RNF182: variants seen among roughly 807,000 people sequenced by gnomAD.
The protein encoded by RNF182 is ring finger protein 182, also known as E3 ubiquitin-protein ligase RNF182.
Under a neutral mutation model 14.4 loss-of-function variants are expected in RNF182, and 15 were observed. The observed-to-expected ratio is 1.04, with a 90% CI of 0.70 to 1.60. RNF182 has a LOEUF of 1.60. Ranked by LOEUF, RNF182 falls within the 40% of genes most tolerant of loss-of-function variation. The pLI, the probability that RNF182 is intolerant of heterozygous loss-of-function variation, is 0.00. For synonymous variants in RNF182, 128 were observed against 122.9 expected (o/e 1.04, Z -0.27); for missense variants, 268 against 294.8 (o/e 0.91, Z 0.67).
At chr6:13,939,762 C>A (rs929469756) in intron 1 of RNF182, among the ~76,000 whole-genome samples, 6 of 152,174 alleles carry the variant, frequency 3.9e-5, no homozygotes, top group African/African-American at 1.4e-4. Flanking sequence ...CCAGGATGAT[C>A]TTGATCTCCT....
intron 1 of RNF182, among the ~76,000 whole-genome samples, chr6:13,965,673 A>G (rs1346700675): frequency 4.6e-5 from 7 of 152,198 alleles, no homozygotes; most frequent in African/African-American, 1.7e-4. Flanking sequence ...TCTGCAGGCC[A>G]TGGAGATGTT....
At chr6:13,949,099 C>G in intron 1 of RNF182, 1 of 739,530 alleles carries the variant, frequency 1.4e-6, no homozygotes, top group Admixed American at 1.9e-5. Context: ...GGCAAGATGG[C>G]TGCCACTGCC....
At chr6:13,939,606 C>T (rs1052020823) in intron 1 of RNF182, among the ~76,000 whole-genome samples, 30 of 151,944 alleles carry the variant, frequency 2.0e-4, no homozygotes, top group African/African-American at 5.3e-4. Flanking sequence ...TGCAGTGGCG[C>T]GATCTGGGCT....
chr6:13,942,256 A>T (rs1405288779), intron 1 of RNF182, among the ~76,000 whole-genome samples: 1 of 152,156 alleles, frequency 6.6e-6, no homozygotes, highest in Non-Finnish European at 1.5e-5. Flanking sequence ...GGGTTCTGTT[A>T]AGATATGCTG....
rs1157656989 is a variant in RNF182 at position 13,978,772 on chromosome 6, TC to T, written c.*912del. 6.0e-6 allele frequency: 1 copy of T among 167,110 alleles called. No individual in the cohort carries two copies. Among genetic ancestry groups the T allele is most frequent in the African/African-American group, 2.4e-5 (1 of 41,458 alleles). 10.4% of individuals were successfully genotyped at this position (167,110 alleles called of 1,614,324 possible). On this transcript the variant is annotated 3_prime_UTR_variant, in exon 3 of 3. Transcript: ENST00000488300. The stretch of plus-strand genomic sequence containing the variant: ...GCTATAAATTCATCAATACTTTTTT[TC>T]CCTATTATATTTTTGGTTCTATTAG...
At chr6:13,957,183 G>C (rs1269136960) in intron 1 of RNF182, among the ~76,000 whole-genome samples, 1 of 152,096 alleles carries the variant, frequency 6.6e-6, no homozygotes, top group Non-Finnish European at 1.5e-5. Flanking sequence ...TTCTTTTTAT[G>C]TAAGTATCAT....
At chr6:13,934,339 A>C (rs1233108870) in intron 1 of RNF182, among the ~76,000 whole-genome samples, 1 of 152,204 alleles carries the variant, frequency 6.6e-6, no homozygotes, top group East Asian at 1.9e-4. Flanking sequence ...TGTCAGCTTT[A>C]GGCCGTGCCC....
intron 1 of RNF182, among the ~76,000 whole-genome samples, chr6:13,941,846 A>G (rs763110882): frequency 2.0e-5 from 3 of 152,176 alleles, no homozygotes; most frequent in African/African-American, 7.2e-5. Context: ...GAATCGTTGT[A>G]TCAGTTTAAT....
At position 13,954,568 on chromosome 6, in the gene RNF182, AT is replaced by A. The variant is rs201559165; in HGVS notation, c.-366-19632del. Among the ~76,000 whole-genome samples, 191 of 150,424 alleles carry A rather than the reference AT, an allele frequency of 1.3e-3. 2 individuals carry two copies. In the East Asian group the frequency reaches 0.03, roughly 23 times the overall value. On this transcript the variant is annotated intron_variant, in intron 1 of 2. Transcript: ENST00000488300. ...TAAATTTAAATTTAAATTAAATTAA[AT>A]TTTTTTTTTAGCTCTTTGGGTATCA...
chr6:13,942,883 T>A (rs903812404), intron 1 of RNF182, among the ~76,000 whole-genome samples: 3 of 152,220 alleles, frequency 2.0e-5, no homozygotes, highest in Non-Finnish European at 4.4e-5. Context: ...TTATTTTTAT[T>A]TTATTTTGTT....
At chr6:13,958,214 C>T (rs1759778224) in intron 1 of RNF182, among the ~76,000 whole-genome samples, 4 of 151,992 alleles carry the variant, frequency 2.6e-5, no homozygotes, top group Admixed American at 2.6e-4. Context: ...GGTGAAACCC[C>T]GTCTCTATTA....
intron 1 of RNF182, among the ~76,000 whole-genome samples, chr6:13,966,804 G>T (rs1435475176): frequency 8.8e-6 from 1 of 114,126 alleles, no homozygotes; most frequent in African/African-American, 3.4e-5. Context: ...AAACCCAGTA[G>T]TATGCTGTTT....
chr6:13,945,463 G>T (rs1406268679), intron 1 of RNF182, among the ~76,000 whole-genome samples: 6 of 152,298 alleles, frequency 3.9e-5, no homozygotes, highest in Admixed American at 3.3e-4. Flanking sequence ...AGATGATTTT[G>T]CAGAGCTTTC....
In RNF182 at chr6:13,979,226, A is replaced by G. The variant is rs1469713884; in HGVS notation, c.*1363A>G. 1 of 166,636 alleles carries G rather than the reference A, an allele frequency of 6.0e-6. No individual in the cohort carries two copies. Among genetic ancestry groups the G allele is most frequent in the East Asian group, 1.9e-4 (1 of 5,200 alleles). The allele number at this position is 166,636 out of a possible 1,614,324, so 10.3% of individuals were successfully genotyped here. ...GGAAAGTTGAATGTATATATTTCTA[A>G]GAAGAATTTGTTTAGCAGATTACAA... On this transcript the variant is annotated 3_prime_UTR_variant, in exon 3 of 3. Coordinates refer to ENST00000488300, the MANE Select transcript of RNF182 (RefSeq NM_152737.4).
chr6:13,969,917 A>G (rs947402683), intron 1 of RNF182, among the ~76,000 whole-genome samples: 1 of 152,212 alleles, frequency 6.6e-6, no homozygotes, highest in Non-Finnish European at 1.5e-5. Flanking sequence ...CAATTTCAGC[A>G]TACCAGATTC....
intron 1 of RNF182, among the ~76,000 whole-genome samples, chr6:13,972,128 G>A (rs760916216): frequency 1.4e-4 from 21 of 151,322 alleles, no homozygotes; most frequent in Middle Eastern, 3.4e-3. Flanking sequence ...GTGAAACCCC[G>A]TCTACTAAAA....
rs1760450053 is a variant in RNF182, at chr6:13,979,910, C to G, written c.*2047C>G. On this transcript the variant is annotated 3_prime_UTR_variant, in exon 3 of 3. Transcript: ENST00000488300. ...GCAATCTTTGTATGACACCAGAAAA[C>G]TCTTCATGCTATTGAATGATAAAAA... 1 of 166,892 alleles carries G rather than the reference C, an allele frequency of 6.0e-6. No homozygotes were observed. Among genetic ancestry groups the G allele is most frequent in the South Asian group, 2.1e-4 (1 of 4,826 alleles). The allele number at this position is 166,892 out of a possible 1,614,324, so 10.3% of individuals were successfully genotyped here. A position where few individuals can be genotyped will look rare whatever the true frequency, so the allele number is the denominator to read the frequency against.
At chr6:13,925,056 T>C (rs942063092) in intron 1 of RNF182, 33 bp downstream of exon 1, 1 of 612 alleles carries the variant, frequency 1.6e-3, no homozygotes, top group Admixed American at 0.014. Context: ...CGGGGAGGGG[T>C]CGGCGGGACG....
upstream of RNF182, chr6:13,924,562 A>G (rs1203079832): frequency 1.3e-5 from 2 of 152,344 alleles, no homozygotes; most frequent in Non-Finnish European, 2.9e-5. Context: ...GTACAGCTCC[A>G]CAGGAGAAAG....
Sources: allele counts gnomAD v4.1 joint callset (sites outside exome capture counted in the v4.1 genomes callset), GRCh38; gene constraint gnomAD v4.1.1; transcripts MANE v1.5; gene names NCBI Gene and HGNC (gene_info 2026-07-23, HGNC 2026-07-21).